Variants in SAMD5 observed in about 807,000 individuals in gnomAD.
The protein encoded by SAMD5 is sterile alpha motif domain containing 5.
In SAMD5, 13 loss-of-function variants were observed where a neutral mutation model predicts 11.3. The observed-to-expected ratio is 1.15, with a 90% CI of 0.75 to 1.83. The LOEUF is 1.83. Among genes scored for constraint, SAMD5 ranks in the 40% most tolerant of loss-of-function variants. The pLI, the probability that SAMD5 is intolerant of heterozygous loss-of-function variation, is 0.00. For missense variants in SAMD5, 255 were observed against 239.1 expected (o/e 1.07, Z -0.44); for synonymous variants, 129 against 111.3 (o/e 1.16, Z -1.00).
intron 1 of SAMD5, among the ~76,000 whole-genome samples, chr6:147,556,382 G>A (rs746281670): frequency 3.3e-5 from 5 of 152,186 alleles, no homozygotes; most frequent in Non-Finnish European, 7.3e-5. Context: ...GTGAGCCACC[G>A]TGCCCGGCTA....
chr6:147,897,365 G>A, the SAMD5 span, among the ~76,000 whole-genome samples: 4 of 152,166 alleles, frequency 2.6e-5, no homozygotes, highest in African/African-American at 7.2e-5. Flanking sequence ...CTTACGTCTG[G>A]ACTATTCTGG....
chr6:147,853,362 A>C, the SAMD5 span, among the ~76,000 whole-genome samples: 1 of 151,974 alleles, frequency 6.6e-6, no homozygotes, highest in Non-Finnish European at 1.5e-5. Flanking sequence ...TTGAAACTCA[A>C]ATTCCAGAAT....
At chr6:147,616,212 A>AT (rs1562334309) in intron 1 of SAMD5, among the ~76,000 whole-genome samples, 3 of 132,566 alleles carry the variant, frequency 2.3e-5, no homozygotes, top group Admixed American at 7.3e-5. Flanking sequence ...ATTCATATAT[A>AT]CTTCATATAT....
At chr6:147,876,670 A>G in the SAMD5 span, among the ~76,000 whole-genome samples, 5 of 152,258 alleles carry the variant, frequency 3.3e-5, no homozygotes, top group African/African-American at 1.2e-4. Flanking sequence ...GGTTTGTACT[A>G]GAAAAATAAC....
downstream of SAMD5, among the ~76,000 whole-genome samples, chr6:147,570,870 C>G (rs1009751830): frequency 6.6e-6 from 1 of 152,036 alleles, no homozygotes; most frequent in Non-Finnish European, 1.5e-5. Flanking sequence ...TGTGGCATGC[C>G]CATGATAACA....
chr6:147,790,943 GTTAAGTA>G, the SAMD5 span, among the ~76,000 whole-genome samples: 28 of 152,076 alleles, frequency 1.8e-4, no homozygotes, highest in African/African-American at 6.5e-4. Context: ...TTGACTTTGT[GTTAAGTA>G]TTGTGTGTGT....
At chr6:147,764,151 G>T in the SAMD5 span, among the ~76,000 whole-genome samples, 1 of 152,160 alleles carries the variant, frequency 6.6e-6, no homozygotes, top group African/African-American at 2.4e-5. Context: ...AAATAACTCA[G>T]GTATGTTAAC....
the SAMD5 span, among the ~76,000 whole-genome samples, chr6:147,930,825 GA>G: frequency 6.6e-6 from 1 of 152,156 alleles, no homozygotes; most frequent in East Asian, 1.9e-4. Flanking sequence ...AAAAAGAAAA[GA>G]AAGCTGAATG....
At chr6:147,572,336 A>T (rs844633), downstream of SAMD5, among the ~76,000 whole-genome samples, 15 of 152,016 alleles carry the variant, frequency 9.9e-5, no homozygotes, top group African/African-American at 3.1e-4. Context: ...GTTATTATTC[A>T]GATTTTCTGA....
chr6:147,830,251 C>CTTTTTTTTTTTTTTTTTTTTTTT, the SAMD5 span, among the ~76,000 whole-genome samples: 49 of 84,934 alleles, frequency 5.8e-4, no homozygotes, highest in East Asian at 1.1e-3. Flanking sequence ...TTCTTTCTTT[C>CTTTTTTTTTTTTTTTTTTTTTTT]TTTTTTTTTT....
chr6:147,508,821 G>A lies in SAMD5; in HGVS notation c.-108G>A, dbSNP rs1788032588. On this transcript the variant is annotated 5_prime_UTR_variant, in exon 1 of 2. Transcript: ENST00000367474. ...TCCTTTAAAAGGAAAACTTTACTGCGATACCCTTTTCCCCTTGGAGGAGAG... is the reference window on the plus strand; with the variant it reads ...TCCTTTAAAAGGAAAACTTTACTGCAATACCCTTTTCCCCTTGGAGGAGAG... 32 of 1,461,656 alleles carry A rather than the reference G, an allele frequency of 2.2e-5. No individual in the cohort carries two copies. Among genetic ancestry groups the A allele is most frequent in the Non-Finnish European group, 2.8e-5 (31 of 1,108,888 alleles). 90.5% of individuals were successfully genotyped at this position (1,461,656 alleles called of 1,614,324 possible).
At chr6:147,548,277 G>C (rs536964426) in intron 1 of SAMD5, among the ~76,000 whole-genome samples, 2 of 152,140 alleles carry the variant, frequency 1.3e-5, no homozygotes. Flanking sequence ...TATATGAATG[G>C]TTTAATAGTT....
chr6:147,592,326 CCATAGA>C (rs1789467383), intron 1 of SAMD5, among the ~76,000 whole-genome samples: 1 of 151,990 alleles, frequency 6.6e-6, no homozygotes. Flanking sequence ...TTCTCTCCCA[CCATAGA>C]AATGAAGAGG....
chr6:147,565,683 C>T lies in SAMD5; in HGVS notation c.*1227C>T. 1 of 758,306 alleles carries T rather than the reference C, an allele frequency of 1.3e-6. No homozygotes were observed. The highest frequency in any genetic ancestry group is 1.6e-6 in the Non-Finnish European group (1 of 622,982). 47.0% of individuals were successfully genotyped at this position (758,306 alleles called of 1,614,324 possible). A position where few individuals can be genotyped will look rare whatever the true frequency, so the allele number is the denominator to read the frequency against. On this transcript the variant is annotated 3_prime_UTR_variant, in exon 2 of 2. Transcript: ENST00000367474. ...CCATGTTGGCCAGGCTGTTCTTGAA[C>T]TCCTGGCCTCAAATGATCCACTCGC...
At chr6:147,619,965 A>G (rs1789933568) in intron 1 of SAMD5, among the ~76,000 whole-genome samples, 1 of 152,236 alleles carries the variant, frequency 6.6e-6, no homozygotes, top group South Asian at 2.1e-4. Context: ...TTTATGGTTA[A>G]TGACTTAGTG....
chr6:147,531,742 G>A (rs1048988216), intron 1 of SAMD5, among the ~76,000 whole-genome samples: 3 of 152,020 alleles, frequency 2.0e-5, no homozygotes, highest in African/African-American at 7.3e-5. Flanking sequence ...TGATAATGAG[G>A]GATATTATAG....
the SAMD5 span, among the ~76,000 whole-genome samples, chr6:147,789,985 G>T: frequency 3.1e-4 from 47 of 152,190 alleles, no homozygotes; most frequent in Non-Finnish European, 4.7e-4. Flanking sequence ...ATTCATTGCT[G>T]GTGGGAGTGC....
At chr6:147,547,427 A>G (rs905849901) in intron 1 of SAMD5, among the ~76,000 whole-genome samples, 1 of 152,188 alleles carries the variant, frequency 6.6e-6, no homozygotes, top group Non-Finnish European at 1.5e-5. Context: ...AATTCCTTGC[A>G]GCTACAGACA....
the SAMD5 span, among the ~76,000 whole-genome samples, chr6:147,779,506 T>A: frequency 6.6e-6 from 1 of 151,774 alleles, no homozygotes; most frequent in African/African-American, 2.4e-5. Context: ...CCTTTTTTTT[T>A]TTTTTTTGAG....
Sources: gnomAD v4.1 joint callset for allele counts (sites outside exome capture counted in the v4.1 genomes callset) on GRCh38, gnomAD v4.1.1 for gene constraint, MANE v1.5 for transcripts, NCBI Gene and HGNC (gene_info 2026-07-23, HGNC 2026-07-21) for gene names.